The following ATP8A1 variants were observed in gnomAD, a reference collection of about 807,000 sequenced individuals.
ATP8A1 encodes ATPase phospholipid transporting 8A1.
In ATP8A1, 90 loss-of-function variants were observed where a neutral mutation model predicts 177.7. The observed-to-expected ratio is 0.51, with a 90% CI of 0.43 to 0.60. ATP8A1 has a LOEUF of 0.60. Among genes scored for constraint, ATP8A1 ranks in the 20% least tolerant of loss-of-function variants. The pLI is 0.00. For synonymous variants in ATP8A1, 493 were observed against 485.9 expected (o/e 1.01, Z -0.19); for missense variants, 1,072 against 1,392.8 (o/e 0.77, Z 3.67).
intron 1 of ATP8A1, among the ~76,000 whole-genome samples, chr4:42,656,067 C>T (rs1183219012): frequency 6.6e-6 from 1 of 152,214 alleles, no homozygotes; most frequent in Non-Finnish European, 1.5e-5. Flanking sequence ...TTGAGGGCTC[C>T]TCGGAGACGA....
intron 11 of ATP8A1, 33 bp from the exon 12 acceptor site, chr4:42,578,420 A>T (rs539878311): frequency 3.0e-5 from 48 of 1,600,178 alleles, no homozygotes; most frequent in Non-Finnish European, 4.0e-5. Flanking sequence ...CGTCATTTAC[A>T]GTTTTATATT....
chr4:42,614,362 C>A (rs1736691821), intron 5 of ATP8A1, among the ~76,000 whole-genome samples: 1 of 152,188 alleles, frequency 6.6e-6, no homozygotes, highest in Non-Finnish European at 1.5e-5. Context: ...GTTGGAAAAG[C>A]ATTTATGTAC....
At chr4:42,630,518 A>G (rs1400612853) in intron 1 of ATP8A1, among the ~76,000 whole-genome samples, 1 of 152,212 alleles carries the variant, frequency 6.6e-6, no homozygotes, top group East Asian at 1.9e-4. Context: ...GGCCTTCAGA[A>G]GCCTTCTTTG....
At chr4:42,507,208 A>T in intron 22 of ATP8A1, 54 bp from the exon 23 acceptor site, 1 of 1,574,704 alleles carries the variant, frequency 6.4e-7, no homozygotes, top group South Asian at 1.1e-5. Context: ...ATTCTTTAAA[A>T]ACAAAAAATT....
chr4:42,546,614 G>A (rs557244475), intron 19 of ATP8A1, among the ~76,000 whole-genome samples: 2 of 150,486 alleles, frequency 1.3e-5, no homozygotes, highest in East Asian at 3.9e-4. Context: ...CTCACCCGAT[G>A]CAACCACTCC....
At chr4:42,621,451 A>G (rs1303574197) in intron 4 of ATP8A1, among the ~76,000 whole-genome samples, 2 of 152,190 alleles carry the variant, frequency 1.3e-5, no homozygotes, top group Non-Finnish European at 2.9e-5. Context: ...GGATTAACAG[A>G]TTGTCCTCTC....
At chr4:42,436,940 T>G (rs965906747) in intron 33 of ATP8A1, among the ~76,000 whole-genome samples, 1 of 152,256 alleles carries the variant, frequency 6.6e-6, no homozygotes, top group Admixed American at 6.5e-5. Context: ...TGTAGTTTAT[T>G]AATACCTTTC....
At chr4:42,636,573 C>G (rs565015639) in intron 1 of ATP8A1, among the ~76,000 whole-genome samples, 1 of 152,240 alleles carries the variant, frequency 6.6e-6, no homozygotes, top group South Asian at 2.1e-4. Flanking sequence ...TTAGCAATAC[C>G]TCTCAAATTT....
chr4:42,492,008 G>T (rs1722788659), intron 24 of ATP8A1, among the ~76,000 whole-genome samples: 1 of 152,182 alleles, frequency 6.6e-6, no homozygotes, highest in South Asian at 2.1e-4. Flanking sequence ...AGCAGCTAAT[G>T]GTAGTGGCTT....
At chr4:42,498,446 C>G (rs888367003) in intron 24 of ATP8A1, among the ~76,000 whole-genome samples, 1 of 152,218 alleles carries the variant, frequency 6.6e-6, no homozygotes, top group Middle Eastern at 3.4e-3. Flanking sequence ...TTTTCTTTTA[C>G]CACAGTGTTG....
At chr4:42,461,048 C>T (rs1335286234) in intron 27 of ATP8A1, among the ~76,000 whole-genome samples, 2 of 152,180 alleles carry the variant, frequency 1.3e-5, no homozygotes, top group Non-Finnish European at 2.9e-5. Context: ...AGACTGGCCA[C>T]ACGTGCTCTT....
At chr4:42,474,931 A>G (rs1720883119) in intron 25 of ATP8A1, among the ~76,000 whole-genome samples, 2 of 152,224 alleles carry the variant, frequency 1.3e-5, no homozygotes, top group African/African-American at 4.8e-5. Context: ...AAATCATAAT[A>G]GATGGAAACC....
chr4:42,644,451 C>G (rs965960332), intron 1 of ATP8A1, among the ~76,000 whole-genome samples: 1 of 152,132 alleles, frequency 6.6e-6, no homozygotes, highest in African/African-American at 2.4e-5. Context: ...TCTACAAGAT[C>G]AAATTCTGGC....
At chr4:42,482,310 C>CA (rs1351618725) in intron 25 of ATP8A1, among the ~76,000 whole-genome samples, 6 of 126,876 alleles carry the variant, frequency 4.7e-5, no homozygotes, top group African/African-American at 1.7e-4. Context: ...TCTCCAAAAA[C>CA]AAAAAAACAA....
intron 33 of ATP8A1, among the ~76,000 whole-genome samples, chr4:42,433,811 T>C (rs1321122560): frequency 6.8e-6 from 1 of 147,760 alleles, no homozygotes; most frequent in African/African-American, 2.5e-5. Context: ...AGCCATATGA[T>C]ACAAGAAAGA....
intron 1 of ATP8A1, 44 bp downstream of exon 1, chr4:42,656,781 G>A: frequency 6.6e-7 from 1 of 1,512,096 alleles, no homozygotes; most frequent in South Asian, 1.3e-5. Flanking sequence ...ACACACACTC[G>A]CTTCCCGACC....
chr4:42,576,545 C>T (rs2109332352), intron 12 of ATP8A1, among the ~76,000 whole-genome samples: 1 of 145,140 alleles, frequency 6.9e-6, no homozygotes, highest in East Asian at 2.0e-4. Context: ...GCCTTGTGTC[C>T]AGTAATCATG....
chr4:42,582,076 G>A (rs1007281708), intron 9 of ATP8A1, among the ~76,000 whole-genome samples: 1 of 152,098 alleles, frequency 6.6e-6, no homozygotes, highest in Non-Finnish European at 1.5e-5. Context: ...GGTCATGAGG[G>A]TTGGGTCCTC....
chr4:42,521,140 A>C (rs376757028), intron 22 of ATP8A1, among the ~76,000 whole-genome samples: 55 of 152,332 alleles, frequency 3.6e-4, no homozygotes, highest in African/African-American at 1.3e-3. Context: ...CCTGGAGAAA[A>C]GATCAAGTAA....
Sources: gnomAD v4.1 joint callset for allele counts (sites outside exome capture counted in the v4.1 genomes callset) on GRCh38, gnomAD v4.1.1 for gene constraint, MANE v1.5 for transcripts, NCBI Gene and HGNC (gene_info 2026-07-23, HGNC 2026-07-21) for gene names.